Variants in CBX5 observed in about 807,000 individuals in gnomAD.
CBX5 encodes chromobox protein homolog 5.
In CBX5, 7 loss-of-function variants were observed where a neutral mutation model predicts 20.7. The observed-to-expected ratio is 0.34, with a 90% CI of 0.19 to 0.63. The LOEUF is 0.63. Ranked by LOEUF, CBX5 falls within the 30% of genes least tolerant of loss-of-function variation. The pLI, the probability that CBX5 is intolerant of heterozygous loss-of-function variation, is 0.75. For missense variants in CBX5, 110 were observed against 224.1 expected (o/e 0.49, Z 3.25); for synonymous variants, 78 against 77.0 (o/e 1.01, Z -0.07).
chr12:54,245,486 G>A (rs761461822), intron 4 of CBX5, among the ~76,000 whole-genome samples: 6 of 151,764 alleles, frequency 4.0e-5, no homozygotes, highest in East Asian at 1.9e-4. Flanking sequence ...GCAAAACCCC[G>A]ACTCTACTAA....
chr12:54,276,677 C>G (rs1373537942), intron 1 of CBX5: 2 of 152,132 alleles, frequency 1.3e-5, no homozygotes. Context: ...CCCCCAAAAC[C>G]CTGGGTCTAT....
intron 1 of CBX5, chr12:54,272,623 GGTTA>G (rs1159913507): frequency 1.3e-5 from 2 of 152,116 alleles, no homozygotes; most frequent in Admixed American, 6.6e-5. Context: ...AACAAATACA[GGTTA>G]GTTATCCTGT....
chr12:54,254,151 C>T (rs565744273), intron 2 of CBX5, among the ~76,000 whole-genome samples: 3 of 150,314 alleles, frequency 2.0e-5, no homozygotes, highest in Non-Finnish European at 3.0e-5. Flanking sequence ...GTGGCTCATG[C>T]GTGTAATCCC....
chr12:54,263,797 A>G (rs571595219), intron 1 of CBX5, among the ~76,000 whole-genome samples: 7 of 146,262 alleles, frequency 4.8e-5, no homozygotes, highest in Admixed American at 4.1e-4. Flanking sequence ...AAGAAAAAAG[A>G]AAAAAAAAGG....
intron 1 of CBX5, among the ~76,000 whole-genome samples, chr12:54,266,711 G>T (rs1465294962): frequency 1.3e-5 from 2 of 152,142 alleles, no homozygotes; most frequent in Non-Finnish European, 2.9e-5. Context: ...CTGCTTGAAG[G>T]TATCAGTCTG....
rs1943645561 is a variant in CBX5, at chr12:54,238,534, A to C, written c.*3221T>G. On this transcript the variant is annotated 3_prime_UTR_variant, in exon 5 of 5. Transcript: ENST00000209875. ...TGAAGATTTAGCTTAGAAAGCATGA[A>C]GATAGTATGTTCCAATTTTAAATAA... 1 of 152,256 alleles carries C rather than the reference A, an allele frequency of 6.6e-6. No homozygotes were observed. Among genetic ancestry groups the C allele is most frequent in the African/African-American group, 2.4e-5 (1 of 41,462 alleles). The allele number at this position is 152,256 out of a possible 1,614,324, so 9.4% of individuals were successfully genotyped here.
At chr12:54,258,592 G>A (rs535514401) in intron 1 of CBX5, among the ~76,000 whole-genome samples, 47 of 152,284 alleles carry the variant, frequency 3.1e-4, no homozygotes, top group Non-Finnish European at 5.6e-4. Flanking sequence ...CTGAAGCAAG[G>A]AAACACAAAT....
At chr12:54,272,340 T>G (rs1227052232) in intron 1 of CBX5, 1 of 152,170 alleles carries the variant, frequency 6.6e-6, no homozygotes, top group African/African-American at 2.4e-5. Context: ...GCTCATGGCT[T>G]TATCTAGTGT....
At chr12:54,273,000 A>G (rs552212829) in intron 1 of CBX5, 1 of 152,116 alleles carries the variant, frequency 6.6e-6, no homozygotes, top group Admixed American at 6.5e-5. Flanking sequence ...TAAAAATAAC[A>G]TTTTCTTTTC....
chr12:54,280,048 T>G lies in CBX5; in HGVS notation c.-83A>C, dbSNP rs1944122623. 1 of 158,102 alleles carries G rather than the reference T, an allele frequency of 6.3e-6. No homozygotes were observed. 9.8% of individuals were successfully genotyped at this position (158,102 alleles called of 1,614,324 possible). On this transcript the variant is annotated 5_prime_UTR_variant, in exon 1 of 5. Transcript: ENST00000209875. The stretch of plus-strand genomic sequence containing the variant: ...ATCACTCACGCTAACGTCTGCCCTG[T>G]TCCTGTATGGTGAGGCCGCACCACA...
chr12:54,273,809 C>T (rs1182253113), intron 1 of CBX5: 2 of 152,118 alleles, frequency 1.3e-5, no homozygotes, highest in East Asian at 1.9e-4. Flanking sequence ...AGAATAAATT[C>T]CTCTTGTTTT....
intron 1 of CBX5, chr12:54,272,892 A>G (rs949368626): frequency 2.0e-5 from 3 of 152,250 alleles, no homozygotes; most frequent in Non-Finnish European, 2.9e-5. Context: ...AGGACTAAAG[A>G]GGGCAAATGG....
At chr12:54,242,452 G>A (rs1224662299) in intron 4 of CBX5, among the ~76,000 whole-genome samples, 1 of 151,506 alleles carries the variant, frequency 6.6e-6, no homozygotes, top group Non-Finnish European at 1.5e-5. Flanking sequence ...GTGAACCCGG[G>A]AGGCGGAGCT....
At chr12:54,266,258 C>T (rs969411967) in intron 1 of CBX5, among the ~76,000 whole-genome samples, 7 of 149,490 alleles carry the variant, frequency 4.7e-5, no homozygotes, top group African/African-American at 1.7e-4. Flanking sequence ...ATTAGCCAGG[C>T]ATGGTGGTGG....
At chr12:54,264,001 C>A (rs559574263) in intron 1 of CBX5, among the ~76,000 whole-genome samples, 143 of 152,220 alleles carry the variant, frequency 9.4e-4, no homozygotes, top group African/African-American at 3.3e-3. Context: ...CGAGATCGCA[C>A]CACTGCACTC....
intron 3 of CBX5, among the ~76,000 whole-genome samples, chr12:54,247,643 T>C (rs995894818): frequency 1.3e-5 from 2 of 152,132 alleles, no homozygotes; most frequent in African/African-American, 4.8e-5. Context: ...GTAGTAACAC[T>C]GATGAGAGCC....
intron 1 of CBX5, among the ~76,000 whole-genome samples, chr12:54,270,550 G>A (rs1423753960): frequency 6.6e-6 from 1 of 152,160 alleles, no homozygotes; most frequent in East Asian, 1.9e-4. Flanking sequence ...TGAGTTTACA[G>A]GAATCAGTCA....
intron 1 of CBX5, among the ~76,000 whole-genome samples, chr12:54,269,412 CAG>C (rs1286251558): frequency 2.0e-5 from 3 of 152,016 alleles, no homozygotes; most frequent in Non-Finnish European, 2.9e-5. Flanking sequence ...TCTTTTGAGA[CAG>C]AGATTGCTCT....
intron 3 of CBX5, among the ~76,000 whole-genome samples, chr12:54,251,675 A>C (rs956782575): frequency 1.2e-4 from 19 of 152,140 alleles, no homozygotes; most frequent in Non-Finnish European, 2.4e-4. Flanking sequence ...ACAGAGCAAG[A>C]CTCTGTCTCA....
Sources: gnomAD v4.1 joint callset for allele counts (sites outside exome capture counted in the v4.1 genomes callset) on GRCh38, gnomAD v4.1.1 for gene constraint, MANE v1.5 for transcripts, NCBI Gene and HGNC (gene_info 2026-07-23, HGNC 2026-07-21) for gene names.